The following ADCY8 variants were observed in gnomAD, a reference collection of about 807,000 sequenced individuals.
ADCY8 encodes adenylate cyclase 8, also known as adenylate cyclase type 8.
In ADCY8, 51 loss-of-function variants were observed where a neutral mutation model predicts 119.7. The ratio of observed to expected loss-of-function variants is 0.43; its 90% CI spans 0.34 to 0.54. The LOEUF (loss-of-function observed/expected upper bound fraction) is 0.54. Among genes scored for constraint, ADCY8 ranks in the 20% least tolerant of loss-of-function variants. ADCY8 has a pLI of 0.03. For synonymous variants in ADCY8, 665 were observed against 651.0 expected (o/e 1.02, Z -0.33); for missense variants, 1,383 against 1,598.8 (o/e 0.87, Z 2.30).
At chr8:130,782,699 G>A (rs563751733) in intron 17 of ADCY8, among the ~76,000 whole-genome samples, 29 of 152,310 alleles carry the variant, frequency 1.9e-4, no homozygotes, top group Admixed American at 7.2e-4. Flanking sequence ...GGGAACAAGC[G>A]CTGAACATCC....
At chr8:130,961,835 G>T (rs1312798307) in intron 2 of ADCY8, among the ~76,000 whole-genome samples, 1 of 152,128 alleles carries the variant, frequency 6.6e-6, no homozygotes, top group East Asian at 1.9e-4. Context: ...TGCATTTTCT[G>T]CAGTGACCAG....
chr8:130,859,095 T>C (rs1817843032), intron 9 of ADCY8, among the ~76,000 whole-genome samples: 1 of 152,110 alleles, frequency 6.6e-6, no homozygotes, highest in Admixed American at 6.5e-5. Flanking sequence ...AAGATGTGAG[T>C]GGTAGATGTG....
At chr8:130,989,513 T>G (rs1586634606) in intron 2 of ADCY8, among the ~76,000 whole-genome samples, 1 of 152,156 alleles carries the variant, frequency 6.6e-6, no homozygotes, top group Admixed American at 6.5e-5. Flanking sequence ...AAAAAGGGCT[T>G]AGTTAAAAAA....
chr8:131,023,745 A>G (rs547381235), intron 1 of ADCY8, among the ~76,000 whole-genome samples: 33 of 152,326 alleles, frequency 2.2e-4, no homozygotes, highest in African/African-American at 7.7e-4. Context: ...CATGTGCATG[A>G]GATATGCCCA....
chr8:130,852,040 G>A (rs2130326396), intron 9 of ADCY8, among the ~76,000 whole-genome samples: 1 of 152,270 alleles, frequency 6.6e-6, no homozygotes, highest in Admixed American at 6.5e-5. Context: ...TGTGGGGGAT[G>A]CTAATGGGCT....
chr8:131,019,797 T>TTCTCTCTCTCTC (rs61010907), intron 1 of ADCY8, among the ~76,000 whole-genome samples: 25 of 104,926 alleles, frequency 2.4e-4, no homozygotes, highest in South Asian at 3.8e-4. Flanking sequence ...ATGGAACAAA[T>TTCTCTCTCTCTC]TCTCTCTCTC....
intron 10 of ADCY8, among the ~76,000 whole-genome samples, chr8:130,848,860 C>T (rs183692953): frequency 5.9e-4 from 90 of 152,270 alleles, no homozygotes; most frequent in Non-Finnish European, 9.1e-4. Flanking sequence ...TGTGGGTCAG[C>T]AAATTAAACA....
At chr8:130,876,297 C>T (rs1414061994) in intron 8 of ADCY8, among the ~76,000 whole-genome samples, 4 of 152,064 alleles carry the variant, frequency 2.6e-5, no homozygotes, top group Non-Finnish European at 4.4e-5. Flanking sequence ...GTGATCCACC[C>T]GCCTCATTCT....
At chr8:130,835,745 A>T (rs1816966450) in intron 12 of ADCY8, among the ~76,000 whole-genome samples, 1 of 152,174 alleles carries the variant, frequency 6.6e-6, no homozygotes, top group Non-Finnish European at 1.5e-5. Context: ...AATCATCCTT[A>T]GATTACTTAT....
intron 5 of ADCY8, among the ~76,000 whole-genome samples, chr8:130,930,077 CCATT>C (rs1174005458): frequency 2.0e-5 from 3 of 152,134 alleles, no homozygotes; most frequent in Admixed American, 1.3e-4. Context: ...TGTTTTTCAT[CCATT>C]AAGGCACTCT....
chr8:130,802,141 G>C (rs570493795), intron 14 of ADCY8, among the ~76,000 whole-genome samples: 1 of 152,056 alleles, frequency 6.6e-6, no homozygotes, highest in Non-Finnish European at 1.5e-5. Flanking sequence ...TCCATAAACT[G>C]AGTGCATCTT....
rs748417280 is a variant in ADCY8 at position 130,951,918 on chromosome 8, G to T, written c.1191C>A (p.His397Gln). ...INDMTNVEDE[H>Q]LQHQFHRIYI... is the part of the protein sequence containing the mutation. ...AGATCCGATGGAACTGGTGCTGCAG[G>T]TGCTCATCTTCCACATTGGTCATGT... The change falls in exon 3 of 18, where the codon CAC (histidine) becomes CAA (glutamine). Residue 397 changes from histidine to glutamine, a missense_variant. Coordinates refer to ENST00000286355, the MANE Select transcript of ADCY8 (RefSeq NM_001115.3). 1 of 1,614,064 alleles carries T rather than the reference G, an allele frequency of 6.2e-7. No individual in the cohort carries two copies. The highest frequency in any genetic ancestry group is 8.5e-7 in the Non-Finnish European group (1 of 1,180,020).
intron 14 of ADCY8, among the ~76,000 whole-genome samples, chr8:130,802,304 T>G (rs1323014804): frequency 6.6e-6 from 1 of 152,226 alleles, no homozygotes; most frequent in Admixed American, 6.5e-5. Flanking sequence ...CTGCTGGGCT[T>G]GTTTTTGTCT....
intron 2 of ADCY8, among the ~76,000 whole-genome samples, chr8:130,962,559 C>T (rs750137405): frequency 6.6e-6 from 1 of 152,170 alleles, no homozygotes. Flanking sequence ...CTATTCAAGT[C>T]GTCAAAATGG....
At chr8:130,997,052 G>T (rs1028951644) in intron 1 of ADCY8, among the ~76,000 whole-genome samples, 7 of 152,054 alleles carry the variant, frequency 4.6e-5, no homozygotes, top group Admixed American at 3.9e-4. Context: ...AACAGTAAGA[G>T]AAATGGCTGA....
At chr8:130,958,840 A>C (rs180807678) in intron 2 of ADCY8, among the ~76,000 whole-genome samples, 1 of 152,156 alleles carries the variant, frequency 6.6e-6, no homozygotes, top group Non-Finnish European at 1.5e-5. Flanking sequence ...TTAGGACTCA[A>C]TATTTTTTAA....
At chr8:130,960,234 C>G (rs1431715479) in intron 2 of ADCY8, among the ~76,000 whole-genome samples, 2 of 152,052 alleles carry the variant, frequency 1.3e-5, no homozygotes, top group Non-Finnish European at 2.9e-5. Flanking sequence ...AGGATGGAAC[C>G]TTGGATCTAC....
intron 2 of ADCY8, among the ~76,000 whole-genome samples, chr8:130,960,230 G>GA (rs1821557760): frequency 6.6e-6 from 1 of 152,006 alleles, no homozygotes; most frequent in South Asian, 2.1e-4. Context: ...GTAAAGGATG[G>GA]AACCTTGGAT....
chr8:130,939,390 CT>C (rs1454930126), intron 4 of ADCY8, among the ~76,000 whole-genome samples: 3 of 152,148 alleles, frequency 2.0e-5, no homozygotes, highest in African/African-American at 7.2e-5. Context: ...AAATCTTACT[CT>C]GATTTTGCAG....
Sources: gnomAD v4.1 joint callset for allele counts (sites outside exome capture counted in the v4.1 genomes callset) on GRCh38, gnomAD v4.1.1 for gene constraint, MANE v1.5 for transcripts, NCBI Gene and HGNC (gene_info 2026-07-23, HGNC 2026-07-21) for gene names.